FHIT: variants seen among roughly 807,000 people sequenced by gnomAD.
FHIT encodes bis(5'-adenosyl)-triphosphatase.
FHIT carries 19 observed loss-of-function variants against 17.9 expected under a neutral mutation model. The observed-to-expected ratio is 1.06, with a 90% CI of 0.74 to 1.56. The LOEUF (loss-of-function observed/expected upper bound fraction) is 1.56. Ranked by LOEUF, FHIT falls within the 40% of genes most tolerant of loss-of-function variation. FHIT has a pLI of 0.00. For missense variants in FHIT, 248 were observed against 189.2 expected, an observed-to-expected ratio of 1.31 and a Z score of -1.82; for synonymous variants, 81 against 69.7, an observed-to-expected ratio of 1.16 and a Z score of -0.81.
intron 3 of FHIT, among the ~76,000 whole-genome samples, chr3:60,939,115 T>C (rs1417544173): frequency 3.3e-5 from 5 of 152,204 alleles, no homozygotes; most frequent in African/African-American, 1.2e-4. Flanking sequence ...ATACGCACAT[T>C]ACATTAAAGT....
chr3:60,952,008 A>G (rs1162029420), intron 3 of FHIT, among the ~76,000 whole-genome samples: 1 of 152,068 alleles, frequency 6.6e-6, no homozygotes, highest in Non-Finnish European at 1.5e-5. Flanking sequence ...TCTACTAAAA[A>G]TACAAAAATT....
intron 7 of FHIT, among the ~76,000 whole-genome samples, chr3:60,007,454 G>A (rs1575868872): frequency 6.6e-6 from 1 of 152,086 alleles, no homozygotes; most frequent in South Asian, 2.1e-4. Context: ...AAACTTATGA[G>A]ATTCGTTCCA....
At chr3:60,011,502 G>C in intron 6 of FHIT, 102 bp from the exon 7 acceptor site, 4 of 1,016,470 alleles carry the variant, frequency 3.9e-6, no homozygotes, top group Non-Finnish European at 6.2e-6. Flanking sequence ...ATTTCATTGT[G>C]TGTTAATTTA....
intron 5 of FHIT, among the ~76,000 whole-genome samples, chr3:60,512,641 A>G (rs1335727933): frequency 6.6e-6 from 1 of 152,210 alleles, no homozygotes; most frequent in Non-Finnish European, 1.5e-5. Context: ...GAAACTTGGC[A>G]TTGTCATTAG....
At chr3:60,624,733 T>C (rs186716363) in intron 4 of FHIT, among the ~76,000 whole-genome samples, 202 of 152,314 alleles carry the variant, frequency 1.3e-3, no homozygotes, top group Non-Finnish European at 2.3e-3. Flanking sequence ...TATGTGGTCT[T>C]TTCTGACTGG....
At chr3:60,013,805 C>T (rs1025506248) in intron 6 of FHIT, among the ~76,000 whole-genome samples, 1 of 152,182 alleles carries the variant, frequency 6.6e-6, no homozygotes, top group Admixed American at 6.5e-5. Flanking sequence ...AAGCCTCAGA[C>T]ATCACCTTAG....
intron 8 of FHIT, among the ~76,000 whole-genome samples, chr3:59,900,700 G>A (rs1476371045): frequency 6.6e-6 from 1 of 152,110 alleles, no homozygotes; most frequent in South Asian, 2.1e-4. Flanking sequence ...TGCAAGCTCC[G>A]CCTCCCAGGT....
At chr3:61,146,975 C>G (rs1039938527) in intron 2 of FHIT, among the ~76,000 whole-genome samples, 6 of 152,066 alleles carry the variant, frequency 3.9e-5, no homozygotes, top group Admixed American at 1.3e-4. Context: ...TATGTACATT[C>G]CTCTGTAGCA....
intron 5 of FHIT, among the ~76,000 whole-genome samples, chr3:60,515,146 C>A (rs540769519): frequency 1.3e-5 from 2 of 152,172 alleles, no homozygotes; most frequent in Admixed American, 6.5e-5. Flanking sequence ...GGGAGAGCTG[C>A]TAGATAAACA....
chr3:61,234,625 A>G (rs1381887603), intron 1 of FHIT, among the ~76,000 whole-genome samples: 1 of 152,338 alleles, frequency 6.6e-6, no homozygotes, highest in Middle Eastern at 3.4e-3. Flanking sequence ...GAATGGGTGA[A>G]ATGCAATGTT....
At chr3:60,801,776 TG>T (rs1274062670) in intron 4 of FHIT, among the ~76,000 whole-genome samples, 1 of 152,214 alleles carries the variant, frequency 6.6e-6, no homozygotes, top group Non-Finnish European at 1.5e-5. Context: ...AAAATTCCAG[TG>T]TTGTCTCTCA....
chr3:61,050,069 G>A (rs540007911), intron 2 of FHIT, among the ~76,000 whole-genome samples: 11 of 152,116 alleles, frequency 7.2e-5, no homozygotes, highest in Middle Eastern at 3.4e-3. Context: ...AAAAGTACAC[G>A]GTTTAACCAT....
intron 5 of FHIT, among the ~76,000 whole-genome samples, chr3:60,123,997 T>G (rs369696181): frequency 0.074 from 2,441 of 32,812 alleles, 63 homozygotes; most frequent in Non-Finnish European, 0.11. Context: ...TATATATATA[T>G]ATATATATAT....
At chr3:60,042,413 G>A (rs969013090) in intron 5 of FHIT, among the ~76,000 whole-genome samples, 3 of 152,068 alleles carry the variant, frequency 2.0e-5, no homozygotes, top group African/African-American at 7.2e-5. Flanking sequence ...AGACATGTAC[G>A]ATCCCACAGT....
At chr3:60,171,085 C>T (rs953870075) in intron 5 of FHIT, among the ~76,000 whole-genome samples, 2 of 152,142 alleles carry the variant, frequency 1.3e-5, no homozygotes, top group African/African-American at 4.8e-5. Flanking sequence ...CCCTCCATTT[C>T]CTATTACCAC....
intron 5 of FHIT, among the ~76,000 whole-genome samples, chr3:60,412,825 T>A (rs1702111752): frequency 6.6e-6 from 1 of 152,110 alleles, no homozygotes. Flanking sequence ...TGGGGGTGGG[T>A]TTCCCCCATG....
rs543332543 is a variant in FHIT at position 60,318,088 on chromosome 3, C to T, written c.103+218772G>A. 5.3e-5 allele frequency among the ~76,000 whole-genome samples: 8 copies of T among 152,060 alleles called. No individual in the cohort carries two copies. The East Asian group carries it at 7.7e-4, about 15-fold the overall frequency. On this transcript the variant is annotated intron_variant, in intron 5 of 9. Transcript: ENST00000492590. ...ATTACAGGCATGAGCCACCATGCCC[C>T]GCCCCATTCTGGGCATCTTAAACAA...
intron 5 of FHIT, among the ~76,000 whole-genome samples, chr3:60,385,814 T>C (rs1700985157): frequency 6.6e-6 from 1 of 151,996 alleles, no homozygotes; most frequent in Non-Finnish European, 1.5e-5. Flanking sequence ...CTGAACTCAA[T>C]GGATCCTCCT....
At chr3:60,154,609 G>A (rs1287740386) in intron 5 of FHIT, among the ~76,000 whole-genome samples, 1 of 152,172 alleles carries the variant, frequency 6.6e-6, no homozygotes, top group Non-Finnish European at 1.5e-5. Context: ...TTAATAACCT[G>A]TGATGCCTCA....
Sources: gnomAD v4.1 joint callset for allele counts (sites outside exome capture counted in the v4.1 genomes callset) on GRCh38, gnomAD v4.1.1 for gene constraint, MANE v1.5 for transcripts, NCBI Gene and HGNC (gene_info 2026-07-23, HGNC 2026-07-21) for gene names.